SYT11: variants seen among roughly 807,000 people sequenced by gnomAD.
SYT11 encodes synaptotagmin-11.
SYT11 carries 12 observed loss-of-function variants against 30.4 expected under a neutral mutation model. The ratio of observed to expected loss-of-function variants is 0.39; its 90% confidence interval spans 0.25 to 0.64. SYT11 has a LOEUF of 0.64. Ranked by LOEUF, SYT11 falls within the 30% of genes least tolerant of loss-of-function variation. The probability of loss-of-function intolerance (pLI) is 0.45; values close to 1 mark genes in which losing one functional copy is unlikely to be tolerated. For missense variants in SYT11, 412 were observed against 552.0 expected (o/e 0.75, Z 2.54); for synonymous variants, 204 against 216.0 (o/e 0.94, Z 0.49).
At chr1:155,865,353 C>T (rs941149223) in intron 1 of SYT11, among the ~76,000 whole-genome samples, 1 of 151,954 alleles carries the variant, frequency 6.6e-6, no homozygotes, top group African/African-American at 2.4e-5. Context: ...TTAGGCCGGG[C>T]GCGGTGGCTC....
chr1:155,862,262 C>A (rs2102553216), intron 1 of SYT11, among the ~76,000 whole-genome samples: 1 of 152,336 alleles, frequency 6.6e-6, no homozygotes, highest in South Asian at 2.1e-4. Flanking sequence ...CAGGTCACTG[C>A]AATTTATAGC....
At position 155,880,625 on chromosome 1, in the gene SYT11, C is replaced by G; in HGVS notation, c.985+2C>G. The G allele has an allele frequency of 6.2e-7, 1 of 1,613,806 alleles. No homozygotes were observed. Among genetic ancestry groups the G allele is most frequent in the Non-Finnish European group, 8.5e-7 (1 of 1,179,794 alleles). ...TGGATATCACCGGTCTCTCAGGTAG[C>G]AGCTATTTACTTCAACCTATTTCTT... On this transcript the variant is annotated splice_donor_variant, in intron 3 of 3. Coordinates refer to ENST00000368324, the MANE Select transcript of SYT11 (RefSeq NM_152280.5). LOFTEE classifies it high-confidence loss of function.
rs2102569435 is a variant in SYT11 at position 155,882,505 on chromosome 1, G to T, written c.*997G>T. ...CTCTTCTGCTATGAAGTAGTAAAAGGCAGTCTATAATTAACTGACAGACCT... is the reference window on the plus strand; with the variant it reads ...CTCTTCTGCTATGAAGTAGTAAAAGTCAGTCTATAATTAACTGACAGACCT... On this transcript the variant is annotated 3_prime_UTR_variant, in exon 4 of 4. Coordinates refer to ENST00000368324, the MANE Select transcript of SYT11 (RefSeq NM_152280.5). 6.6e-6 allele frequency: 1 copy of T among 152,408 alleles called. No homozygotes were observed. The highest frequency in any genetic ancestry group is 2.1e-4 in the South Asian group (1 of 4,824). 9.4% of individuals were successfully genotyped at this position (152,408 alleles called of 1,614,324 possible).
intron 2 of SYT11, among the ~76,000 whole-genome samples, chr1:155,869,486 A>G (rs1672748825): frequency 6.6e-6 from 1 of 151,964 alleles, no homozygotes; most frequent in African/African-American, 2.4e-5. Flanking sequence ...TAGCCTGGCT[A>G]GTCTTGAACT....
rs1025358137 is a variant in SYT11 at position 155,874,279 on chromosome 1, GA to G, written c.861+5493del. Among the ~76,000 whole-genome samples the G allele has an allele frequency of 6.6e-5, 10 of 151,000 alleles. 1 individual carries two copies. Among genetic ancestry groups the G allele is most frequent in the African/African-American group, 2.4e-4 (10 of 41,046 alleles). ...ACAGAGCAAGACCCTGTCTCGAGGGGAAAAACAAACAAAACAAACAAAAACA... is the reference window on the plus strand; with the variant it reads ...ACAGAGCAAGACCCTGTCTCGAGGGGAAAACAAACAAAACAAACAAAAACA... On this transcript the variant is annotated intron_variant, in intron 2 of 3. Transcript: ENST00000368324.
Position 155,880,505 on chromosome 1 carries a change from C to T in SYT11, c.867C>T (p.Cys289=), listed in dbSNP as rs144250444. Residue 289 remains cysteine, a synonymous_variant, in exon 3 of 4, where the codon TGC becomes TGT. Transcript: ENST00000368324. ...RDIIKRNIQK[C]ISRGELQVSL... is the part of the protein sequence containing the mutation. ...CTGCCATTTTTTCCTCACAGAAGTGCATCAGCAGAGGGGAGCTCCAGGTGT... is the reference window on the plus strand; with the variant it reads ...CTGCCATTTTTTCCTCACAGAAGTGTATCAGCAGAGGGGAGCTCCAGGTGT... 2.5e-6 allele frequency: 4 copies of T among 1,613,732 alleles called. No individual in the cohort carries two copies. In the African/African-American group the frequency reaches 5.3e-5, roughly 22 times the overall value.
At chr1:155,875,791 A>T (rs536987569) in intron 2 of SYT11, among the ~76,000 whole-genome samples, 2 of 152,212 alleles carry the variant, frequency 1.3e-5, no homozygotes, top group African/African-American at 2.4e-5. Context: ...AATCATGTGA[A>T]ATATCACAGT....
chr1:155,881,189 G>T lies in SYT11; in HGVS notation c.986-9G>T, dbSNP rs1339530500. On this transcript the variant is annotated splice_polypyrimidine_tract_variant and intron_variant, in intron 3 of 3. Coordinates refer to ENST00000368324, the MANE Select transcript of SYT11 (RefSeq NM_152280.5). ...GTCTCCCTTTTTCTTATCTCTTTGGGGGCCCCAGATCCTTATGTCAAGGTG... is the reference window on the plus strand; with the variant it reads ...GTCTCCCTTTTTCTTATCTCTTTGGTGGCCCCAGATCCTTATGTCAAGGTG... The T allele has an allele frequency of 6.2e-7, 1 of 1,607,620 alleles. No homozygotes were observed. The highest frequency in any genetic ancestry group is 2.2e-5 in the East Asian group (1 of 44,818).
At chr1:155,880,012 A>G (rs1672935901) in intron 2 of SYT11, among the ~76,000 whole-genome samples, 1 of 152,136 alleles carries the variant, frequency 6.6e-6, no homozygotes, top group Non-Finnish European at 1.5e-5. Context: ...TGGGCTACAC[A>G]GTGAGACTCT....
At position 155,881,757 on chromosome 1, in the gene SYT11, T is replaced by G. The variant is rs1672967894; in HGVS notation, c.*249T>G. ...ACTTTATTTTTTTTGAGGTGGAGTT[T>G]CGCTCTTGTTGCCCGGGCTGGAGTG... On this transcript the variant is annotated 3_prime_UTR_variant, in exon 4 of 4. Coordinates refer to ENST00000368324, the MANE Select transcript of SYT11 (RefSeq NM_152280.5). The G allele has an allele frequency of 3.2e-6, 1 of 311,680 alleles. No homozygotes were observed. The highest frequency in any genetic ancestry group is 4.7e-5 in the Admixed American group (1 of 21,190). The allele number at this position is 311,680 out of a possible 1,614,324, so 19.3% of individuals were successfully genotyped here.
At chr1:155,872,619 C>T (rs914344670) in intron 2 of SYT11, among the ~76,000 whole-genome samples, 1 of 152,152 alleles carries the variant, frequency 6.6e-6, no homozygotes, top group Non-Finnish European at 1.5e-5. Flanking sequence ...GCCTGCCCCC[C>T]AACAGGGCCT....
intron 2 of SYT11, among the ~76,000 whole-genome samples, chr1:155,873,380 C>T (rs543171968): frequency 1.6e-4 from 25 of 152,266 alleles, no homozygotes; most frequent in Non-Finnish European, 3.1e-4. Context: ...GAGCCAAGAT[C>T]ACGCCACTGC....
rs1464776937 is a variant in SYT11 at position 155,883,412 on chromosome 1, G to C, written c.*1904G>C. The C allele has an allele frequency of 6.6e-6, 1 of 152,306 alleles. No homozygotes were observed. The highest frequency in any genetic ancestry group is 1.5e-5 in the Non-Finnish European group (1 of 68,132). 9.4% of individuals were successfully genotyped at this position (152,306 alleles called of 1,614,324 possible). A position where few individuals can be genotyped will look rare whatever the true frequency, so the allele number is the denominator to read the frequency against. Reference sequence around the variant, plus strand: ...TAACTAGGTGTGGTGCTGCACGCCTGTGGTCCCAGCTATTCAGGAGGCTGA... The same window carrying C: ...TAACTAGGTGTGGTGCTGCACGCCTCTGGTCCCAGCTATTCAGGAGGCTGA... On this transcript the variant is annotated 3_prime_UTR_variant, in exon 4 of 4. Transcript: ENST00000368324.
Position 155,882,989 on chromosome 1 carries a change from T to TGAAG in SYT11, c.*1482_*1485dup, listed in dbSNP as rs2102569812. ...AAAAATAACAGTGTGACTGAGTGAA[T>TGAAG]GAAGATAAGTTGGATTCTTTCAGAG... On this transcript the variant is annotated 3_prime_UTR_variant, in exon 4 of 4. Coordinates refer to ENST00000368324, the MANE Select transcript of SYT11 (RefSeq NM_152280.5). 6.6e-6 allele frequency: 1 copy of TGAAG among 152,446 alleles called. No individual in the cohort carries two copies. The highest frequency in any genetic ancestry group is 2.4e-5 in the African/African-American group (1 of 41,568). The allele number at this position is 152,446 out of a possible 1,614,324, so 9.4% of individuals were successfully genotyped here. A position where few individuals can be genotyped will look rare whatever the true frequency, so the allele number is the denominator to read the frequency against.
At position 155,883,137 on chromosome 1, in the gene SYT11, G is replaced by A. The variant is rs1214679330; in HGVS notation, c.*1629G>A. On this transcript the variant is annotated 3_prime_UTR_variant, in exon 4 of 4. Transcript: ENST00000368324. ...CCAATGGGCAATAGAGGTTGAGAGA[G>A]ATTCAGCATCTTTCTGGGATTAGAA... 2 of 152,340 alleles carry A rather than the reference G, an allele frequency of 1.3e-5. No homozygotes were observed. The highest frequency in any genetic ancestry group is 2.9e-5 in the Non-Finnish European group (2 of 68,052). 9.4% of individuals were successfully genotyped at this position (152,340 alleles called of 1,614,324 possible). A position where few individuals can be genotyped will look rare whatever the true frequency, so the allele number is the denominator to read the frequency against.
chr1:155,869,533 A>G (rs769413597), intron 2 of SYT11, among the ~76,000 whole-genome samples: 65 of 151,924 alleles, frequency 4.3e-4, no homozygotes, highest in Non-Finnish European at 9.0e-4. Flanking sequence ...CGGACTCCAA[A>G]AGTACTGGGA....
At position 155,883,325 on chromosome 1, in the gene SYT11, G is replaced by A. The variant is rs1010771678; in HGVS notation, c.*1817G>A. On this transcript the variant is annotated 3_prime_UTR_variant, in exon 4 of 4. Coordinates refer to ENST00000368324, the MANE Select transcript of SYT11 (RefSeq NM_152280.5). The stretch of plus-strand genomic sequence containing the variant: ...GAGGTGGAAAGATCGCTTGAGCCCA[G>A]GAGTTCAAGACCAGCCTGGGCTACA... The A allele has an allele frequency of 2.0e-5, 3 of 152,352 alleles. No homozygotes were observed. Among genetic ancestry groups the A allele is most frequent in the African/African-American group, 7.2e-5 (3 of 41,444 alleles). The allele number at this position is 152,352 out of a possible 1,614,324, so 9.4% of individuals were successfully genotyped here. A position where few individuals can be genotyped will look rare whatever the true frequency, so the allele number is the denominator to read the frequency against.
rs1330603125 is a variant in SYT11, at chr1:155,868,298, C to A, written c.368C>A (p.Pro123His). The A allele has an allele frequency of 6.2e-7, 1 of 1,614,014 alleles. No individual in the cohort carries two copies. The highest frequency in any genetic ancestry group is 2.2e-5 in the East Asian group (1 of 44,880). ...PSSGSCIDQL[P>H]IKMDYGEELR... is the part of the protein sequence containing the mutation. ...TCTGGATCTTGTATAGACCAATTAC[C>A]CATCAAAATGGACTATGGGGAAGAA... The change falls in exon 2 of 4, where the codon CCC (proline) becomes CAC (histidine). Residue 123 changes from proline (P) to histidine (H), a missense_variant. Transcript: ENST00000368324. The surrounding 1 kb of genome is among the most constrained non-coding windows in gnomAD (Gnocchi z 4.7).
intron 1 of SYT11, among the ~76,000 whole-genome samples, chr1:155,867,063 C>CA: frequency 2.3e-5 from 1 of 44,036 alleles, no homozygotes. Context: ...TGGAGGAATA[C>CA]CTTTTTTTTT....
Sources: gnomAD v4.1 joint callset for allele counts (sites outside exome capture counted in the v4.1 genomes callset) on GRCh38, gnomAD v4.1.1 for gene constraint, Gnocchi (gnomAD v3.1) non-coding constraint, MANE v1.5 for transcripts, NCBI Gene and HGNC (gene_info 2026-07-23, HGNC 2026-07-21) for gene names.